PDPK1: variants seen among roughly 807,000 people sequenced by gnomAD.
PDPK1 encodes the protein 3-phosphoinositide dependent protein kinase 1, also known as 3-phosphoinositide-dependent protein kinase 1.
Under a neutral mutation model 39.8 loss-of-function variants are expected in PDPK1, and 7 were observed. The ratio of observed to expected loss-of-function variants is 0.18; its 90% CI spans 0.10 to 0.33. The LOEUF (loss-of-function observed/expected upper bound fraction) is 0.33, where lower values mean the gene tolerates loss of function less well. Ranked by LOEUF, PDPK1 falls within the 10% of genes least tolerant of loss-of-function variation. PDPK1 has a pLI of 1.00. For missense variants in PDPK1, 182 were observed against 384.7 expected, an observed-to-expected ratio of 0.47 and a Z score of 4.41; for synonymous variants, 118 against 159.1, an observed-to-expected ratio of 0.74 and a Z score of 1.95.
rs1239317428 is a variant in PDPK1, at chr16:2,593,884, CT to C, written c.1344-1908del. ...CTCATCACATGTCCTTTTCAGGAAC[CT>C]CCTTGATCTGTTTCTCTTTGTTTTA... On this transcript the variant is annotated intron_variant, in intron 11 of 13. Coordinates refer to ENST00000342085, the MANE Select transcript of PDPK1 (RefSeq NM_002613.5). This position sits in a 1 kb window ranked among gnomAD's most constrained non-coding sequence, Gnocchi z 4.2. The C allele has an allele frequency of 6.6e-6, 1 of 152,334 alleles. No individual in the cohort carries two copies. The highest frequency in any genetic ancestry group is 2.4e-5 in the African/African-American group (1 of 41,452). The allele number at this position is 152,334 out of a possible 1,614,324, so 9.4% of individuals were successfully genotyped here.
chr16:2,541,218 G>A (rs2066239301), intron 1 of PDPK1, among the ~76,000 whole-genome samples: 1 of 152,204 alleles, frequency 6.6e-6, no homozygotes, highest in African/African-American at 2.4e-5. Flanking sequence ...TTCTTGACAG[G>A]TCTTGGCCCT....
Position 2,577,239 on chromosome 16 carries a change from T to C in PDPK1, c.710-186T>C, listed in dbSNP as rs1349575233. The C allele has an allele frequency of 4.5e-6, 3 of 662,784 alleles. 1 individual carries two copies. The highest frequency in any genetic ancestry group is 3.8e-5 in the African/African-American group (2 of 52,578). The allele number at this position is 662,784 out of a possible 1,614,324, so 41.1% of individuals were successfully genotyped here. A position where few individuals can be genotyped will look rare whatever the true frequency, so the allele number is the denominator to read the frequency against. ...CGCGTGTCGGGTGGGAGCGCCAGGG[T>C]GCAGGGCGCCGGTGTCCAGGGATCA... On this transcript the variant is annotated intron_variant, in intron 6 of 13. Coordinates refer to ENST00000342085, the MANE Select transcript of PDPK1 (RefSeq NM_002613.5).
In PDPK1 at chr16:2,602,002, A is replaced by G. The variant is rs2067226613; in HGVS notation, c.*4235A>G. On this transcript the variant is annotated 3_prime_UTR_variant, in exon 14 of 14. Transcript: ENST00000342085. ...CTACCAGAGATTATGGCCAAATTGC[A>G]CGGAATTTGGTTTCTTGCCCTCTGA... The G allele has an allele frequency of 4.3e-6, 1 of 233,584 alleles. No homozygotes were observed. Among genetic ancestry groups the G allele is most frequent in the Non-Finnish European group, 8.5e-6 (1 of 117,532 alleles). The allele number at this position is 233,584 out of a possible 1,614,324, so 14.5% of individuals were successfully genotyped here.
In PDPK1 at chr16:2,593,053, G is replaced by A; in HGVS notation, c.1344-2740G>A. The A allele has an allele frequency of 4.4e-6, 2 of 456,550 alleles. No homozygotes were observed. Among genetic ancestry groups the A allele is most frequent in the Non-Finnish European group, 8.8e-6 (2 of 226,954 alleles). The allele number at this position is 456,550 out of a possible 1,614,324, so 28.3% of individuals were successfully genotyped here. A position where few individuals can be genotyped will look rare whatever the true frequency, so the allele number is the denominator to read the frequency against. ...TTTTTCTCAGGATGGATTTCTGGAA[G>A]CGAGGCTACTTCTCAGTACTATTTC... On this transcript the variant is annotated intron_variant, in intron 11 of 13. Coordinates refer to ENST00000342085, the MANE Select transcript of PDPK1 (RefSeq NM_002613.5). This position sits in a 1 kb window ranked among gnomAD's most constrained non-coding sequence, Gnocchi z 4.2.
rs1026819995 is a variant in PDPK1 at position 2,540,483 on chromosome 16, G to T, written c.24+2347G>T. Reference sequence around the variant, plus strand: ...GTGGTAGAGACTCCAGTGTCACCCTGCCCCTCACGTTCGGAGCCCCTGAGG... The same window carrying T: ...GTGGTAGAGACTCCAGTGTCACCCTTCCCCTCACGTTCGGAGCCCCTGAGG... On this transcript the variant is annotated intron_variant, in intron 1 of 13. Transcript: ENST00000342085. Among the ~76,000 whole-genome samples the T allele has an allele frequency of 1.7e-4, 26 of 152,144 alleles. 1 individual carries two copies. Among genetic ancestry groups the T allele is most frequent in the Admixed American group, 6.5e-5 (1 of 15,276 alleles).
At chr16:2,543,847 G>A (rs1046387867) in intron 1 of PDPK1, among the ~76,000 whole-genome samples, 1 of 151,748 alleles carries the variant, frequency 6.6e-6, no homozygotes, top group African/African-American at 2.4e-5. Context: ...TCAGCCTCCT[G>A]AGTAGCTGGG....
intron 11 of PDPK1, among the ~76,000 whole-genome samples, chr16:2,587,844 C>T (rs2066908504): frequency 6.6e-6 from 1 of 152,234 alleles, no homozygotes; most frequent in Admixed American, 6.5e-5. Flanking sequence ...TGTATGGAAG[C>T]TGCAAATTCT....
At position 2,599,613 on chromosome 16, in the gene PDPK1, A is replaced by G. The variant is rs1203351111; in HGVS notation, c.*1846A>G. On this transcript the variant is annotated 3_prime_UTR_variant, in exon 14 of 14. Transcript: ENST00000342085. ...CACGTTGCCCTGGGCCTGTGGCCGG[A>G]GTCGGAGTCCTCTCTCCTCCTCCTG... 4.3e-6 allele frequency: 1 copy of G among 232,696 alleles called. No individual in the cohort carries two copies. The highest frequency in any genetic ancestry group is 5.6e-5 in the Admixed American group (1 of 17,764). 14.4% of individuals were successfully genotyped at this position (232,696 alleles called of 1,614,324 possible). A position where few individuals can be genotyped will look rare whatever the true frequency, so the allele number is the denominator to read the frequency against.
chr16:2,602,065 C>T lies in PDPK1; in HGVS notation c.*4298C>T, dbSNP rs977171760. 1 of 234,354 alleles carries T rather than the reference C, an allele frequency of 4.3e-6. No individual in the cohort carries two copies. The highest frequency in any genetic ancestry group is 2.2e-5 in the African/African-American group (1 of 45,284). The allele number at this position is 234,354 out of a possible 1,614,324, so 14.5% of individuals were successfully genotyped here. On this transcript the variant is annotated 3_prime_UTR_variant, in exon 14 of 14. Coordinates refer to ENST00000342085, the MANE Select transcript of PDPK1 (RefSeq NM_002613.5). Reference sequence around the variant, plus strand: ...CCCCCTTGCCTGGCTGGTTGACAGACCCGGGGTGGTCACTGCTGAGACTTC... The same window carrying T: ...CCCCCTTGCCTGGCTGGTTGACAGATCCGGGGTGGTCACTGCTGAGACTTC...
chr16:2,584,773 AT>A (rs768569770), intron 10 of PDPK1, among the ~76,000 whole-genome samples: 147 of 152,010 alleles, frequency 9.7e-4, no homozygotes, highest in Admixed American at 3.1e-3. Flanking sequence ...TCCTCCCGAC[AT>A]CCTTTGAGCC....
Position 2,599,842 on chromosome 16 carries a change from C to G in PDPK1, c.*2075C>G, listed in dbSNP as rs1178866515. The G allele has an allele frequency of 4.3e-6, 1 of 233,832 alleles. No homozygotes were observed. The highest frequency in any genetic ancestry group is 8.4e-6 in the Non-Finnish European group (1 of 118,572). 14.5% of individuals were successfully genotyped at this position (233,832 alleles called of 1,614,324 possible). A position where few individuals can be genotyped will look rare whatever the true frequency, so the allele number is the denominator to read the frequency against. On this transcript the variant is annotated 3_prime_UTR_variant, in exon 14 of 14. Transcript: ENST00000342085. ...CAGGGACGTGGCTTTAATTGGAGCA[C>G]TCGGCTGGGCTGCTTGGGGAGACTC...
intron 10 of PDPK1, among the ~76,000 whole-genome samples, chr16:2,585,297 C>T (rs2066844489): frequency 6.6e-6 from 1 of 152,244 alleles, no homozygotes; most frequent in African/African-American, 2.4e-5. Flanking sequence ...TAGCTCTGCA[C>T]AGCTGTGTGG....
At chr16:2,553,178 A>AAAAAAAAAAAAAAG (rs1204734490) in intron 1 of PDPK1, among the ~76,000 whole-genome samples, 7 of 135,312 alleles carry the variant, frequency 5.2e-5, no homozygotes, top group African/African-American at 1.6e-4. Flanking sequence ...TTTAAAAAAA[A>AAAAAAAAAAAAAAG]AAAAGAAAAA....
chr16:2,578,255 C>T (rs577480956), intron 7 of PDPK1: 11 of 145,260 alleles, frequency 7.6e-5, no homozygotes, highest in Admixed American at 4.8e-4. Context: ...GTCCAGCAGG[C>T]ATGAGGGTCT....
rs527857121 is a variant in PDPK1 at position 2,586,646 on chromosome 16, G to T, written c.1126-30G>T. ...TAGGACCTTAGAGGCAAGTGAAGGTGCGGTTCTCACTTTCCCTTCTTCTCT... is the reference window on the plus strand; with the variant it reads ...TAGGACCTTAGAGGCAAGTGAAGGTTCGGTTCTCACTTTCCCTTCTTCTCT... On this transcript the variant is annotated intron_variant, in intron 10 of 13. Transcript: ENST00000342085. 3 of 1,593,162 alleles carry T rather than the reference G, an allele frequency of 1.9e-6. No homozygotes were observed. The African/African-American group carries it at 4.0e-5, about 21-fold the overall frequency.
chr16:2,538,666 A>G, intron 1 of PDPK1: 3 of 1,288,990 alleles, frequency 2.3e-6, no homozygotes, highest in Non-Finnish European at 3.0e-6. Flanking sequence ...CGGCCCGGCC[A>G]AGGGGCATTT....
chr16:2,591,675 G>A (rs775848028), intron 11 of PDPK1, among the ~76,000 whole-genome samples: 1 of 152,196 alleles, frequency 6.6e-6, no homozygotes, highest in Non-Finnish European at 1.5e-5. Context: ...GCAGAGTATG[G>A]GCGCAGGTGG....
chr16:2,545,705 G>A (rs1274391786), intron 1 of PDPK1, among the ~76,000 whole-genome samples: 1 of 152,160 alleles, frequency 6.6e-6, no homozygotes, highest in African/African-American at 2.4e-5. Flanking sequence ...ATCTTGGCTA[G>A]GCTGGTCGCG....
Position 2,600,933 on chromosome 16 carries a change from T to C in PDPK1, c.*3166T>C. 1 of 225,304 alleles carries C rather than the reference T, an allele frequency of 4.4e-6. No individual in the cohort carries two copies. 14.0% of individuals were successfully genotyped at this position (225,304 alleles called of 1,614,324 possible). On this transcript the variant is annotated 3_prime_UTR_variant, in exon 14 of 14. Coordinates refer to ENST00000342085, the MANE Select transcript of PDPK1 (RefSeq NM_002613.5). ...CTTCTCCCTTGATATTTTAAGCATTTTCCCATGTCATGAGTTTCTCAGAAA... is the reference window on the plus strand; with the variant it reads ...CTTCTCCCTTGATATTTTAAGCATTCTCCCATGTCATGAGTTTCTCAGAAA...
Sources: gnomAD v4.1 joint callset for allele counts (sites outside exome capture counted in the v4.1 genomes callset) on GRCh38, gnomAD v4.1.1 for gene constraint, Gnocchi (gnomAD v3.1) non-coding constraint, MANE v1.5 for transcripts, NCBI Gene and HGNC (gene_info 2026-07-23, HGNC 2026-07-21) for gene names.